The following CACHD1 variants were observed in gnomAD, a reference collection of about 807,000 sequenced individuals.
The protein encoded by CACHD1 is VWFA and cache domain-containing protein 1.
In CACHD1, 71 loss-of-function variants were observed where a neutral mutation model predicts 138.7. The ratio of observed to expected loss-of-function variants is 0.51; its 90% CI spans 0.42 to 0.62. CACHD1 has a LOEUF of 0.62. Among genes scored for constraint, CACHD1 ranks in the 20% least tolerant of loss-of-function variants. The pLI is 0.00. For synonymous variants in CACHD1, 578 were observed against 591.5 expected (o/e 0.98, Z 0.33); for missense variants, 1,389 against 1,625.3 (o/e 0.85, Z 2.50).
At chr1:64,572,159 A>G (rs563197119) in intron 2 of CACHD1, among the ~76,000 whole-genome samples, 14 of 152,166 alleles carry the variant, frequency 9.2e-5, no homozygotes, top group Non-Finnish European at 1.9e-4. Context: ...AATATTCTAC[A>G]CAAAAAGTTG....
At chr1:64,479,580 G>T (rs142503129) in intron 1 of CACHD1, among the ~76,000 whole-genome samples, 1 of 152,248 alleles carries the variant, frequency 6.6e-6, no homozygotes, top group East Asian at 1.9e-4. Flanking sequence ...GGTCAAGCTG[G>T]GGGCTGTTTC....
At chr1:64,632,799 T>G in intron 6 of CACHD1, 56 bp downstream of exon 6, 2 of 1,585,542 alleles carry the variant, frequency 1.3e-6, no homozygotes, top group Non-Finnish European at 1.7e-6. Context: ...ATGCCTTTTT[T>G]AAAGTACTTT....
At chr1:64,593,579 A>G (rs1424661620) in intron 3 of CACHD1, among the ~76,000 whole-genome samples, 1 of 152,082 alleles carries the variant, frequency 6.6e-6, no homozygotes, top group Non-Finnish European at 1.5e-5. Context: ...CTCCATGAAG[A>G]TATGTTTTGT....
intron 1 of CACHD1, among the ~76,000 whole-genome samples, chr1:64,547,396 G>A (rs1172502200): frequency 6.6e-6 from 1 of 151,976 alleles, no homozygotes; most frequent in South Asian, 2.1e-4. Flanking sequence ...ACAGAGTTTC[G>A]CTCTTGTTGC....
At chr1:64,660,081 G>T (rs1402406643) in intron 13 of CACHD1, among the ~76,000 whole-genome samples, 1 of 152,076 alleles carries the variant, frequency 6.6e-6, no homozygotes, top group Non-Finnish European at 1.5e-5. Flanking sequence ...TTTGGTCTTT[G>T]GGGTTTTGTT....
At chr1:64,634,582 C>T (rs545793634) in intron 7 of CACHD1, among the ~76,000 whole-genome samples, 48 of 152,124 alleles carry the variant, frequency 3.2e-4, no homozygotes, top group Non-Finnish European at 5.0e-4. Context: ...AAGGGTTTCA[C>T]TGGCTGAGAC....
chr1:64,679,065 G>T lies in CACHD1; in HGVS notation c.3245-530G>T, dbSNP rs367693726. On this transcript the variant is annotated intron_variant, in intron 23 of 26. Transcript: ENST00000651257. ...GTATGTTACTGCTGAACTAGGTGAG[G>T]GTACATATGTGAAAGTGACTTGGCT... Among the ~76,000 whole-genome samples the T allele has an allele frequency of 5.9e-5, 9 of 152,216 alleles. No individual in the cohort carries two copies. In the South Asian group the frequency reaches 1.9e-3, roughly 32 times the overall value.
rs141156803 is a variant in CACHD1 at position 64,659,144 on chromosome 1, A to G, written c.1951+271A>G. ...GTGAGAAAAACAGGACAAGGAAGGC[A>G]AAAAAGACAAGTTTGATGTTGAGTG... On this transcript the variant is annotated intron_variant, in intron 13 of 26. Coordinates refer to ENST00000651257, the MANE Select transcript of CACHD1 (RefSeq NM_020925.4). 1.5e-3 allele frequency among the ~76,000 whole-genome samples: 227 copies of G among 152,308 alleles called. 4 individuals carry two copies. In the East Asian group the frequency reaches 0.042, roughly 28 times the overall value.
intron 8 of CACHD1, among the ~76,000 whole-genome samples, chr1:64,643,575 G>A (rs1314552382): frequency 3.3e-5 from 5 of 152,194 alleles, no homozygotes; most frequent in Admixed American, 2.6e-4. Context: ...GGTGGCTCAT[G>A]CCTGTAATCC....
chr1:64,542,442 T>C (rs980006201), intron 1 of CACHD1, among the ~76,000 whole-genome samples: 4 of 152,140 alleles, frequency 2.6e-5, no homozygotes, highest in African/African-American at 9.7e-5. Flanking sequence ...CAAGACATAG[T>C]TTTTATAGTG....
At chr1:64,685,631 A>G (rs1650343336) in intron 26 of CACHD1, among the ~76,000 whole-genome samples, 1 of 152,014 alleles carries the variant, frequency 6.6e-6, no homozygotes, top group Non-Finnish European at 1.5e-5. Context: ...GTAGGATTAA[A>G]AATTTTTACT....
intron 13 of CACHD1, among the ~76,000 whole-genome samples, chr1:64,659,451 A>G (rs988883826): frequency 6.6e-6 from 1 of 152,224 alleles, no homozygotes; most frequent in African/African-American, 2.4e-5. Flanking sequence ...TATCAGCAGT[A>G]ATCTACCACA....
intron 1 of CACHD1, among the ~76,000 whole-genome samples, chr1:64,541,868 A>T (rs532512706): frequency 6.6e-6 from 1 of 151,752 alleles, no homozygotes; most frequent in African/African-American, 2.4e-5. Context: ...ATATCTAAAC[A>T]GGTATTTTTG....
At chr1:64,526,991 C>T (rs561447814) in intron 1 of CACHD1, among the ~76,000 whole-genome samples, 30 of 152,286 alleles carry the variant, frequency 2.0e-4, no homozygotes, top group African/African-American at 4.8e-4. Flanking sequence ...GCTTAGTATA[C>T]GTTTGATCTG....
At chr1:64,617,489 A>G (rs180766082) in intron 4 of CACHD1, among the ~76,000 whole-genome samples, 210 of 152,252 alleles carry the variant, frequency 1.4e-3, no homozygotes, top group African/African-American at 5.0e-3. Context: ...TTTTTGCATT[A>G]TATAATCAAC....
At chr1:64,567,286 C>A (rs1310382298) in intron 2 of CACHD1, among the ~76,000 whole-genome samples, 1 of 150,850 alleles carries the variant, frequency 6.6e-6, no homozygotes, top group Non-Finnish European at 1.5e-5. Flanking sequence ...TTGCTAATCT[C>A]TTGAGGGTGA....
At chr1:64,640,148 A>G (rs755363130) in intron 7 of CACHD1, among the ~76,000 whole-genome samples, 20 of 152,122 alleles carry the variant, frequency 1.3e-4, no homozygotes, top group Admixed American at 3.9e-4. Context: ...GCCGCATTCT[A>G]GTCATTATAA....
chr1:64,569,860 G>A (rs1314539864), intron 2 of CACHD1, among the ~76,000 whole-genome samples: 1 of 152,118 alleles, frequency 6.6e-6, no homozygotes, highest in Non-Finnish European at 1.5e-5. Flanking sequence ...AGGCCAGCAA[G>A]CCTGTATCAT....
intron 2 of CACHD1, among the ~76,000 whole-genome samples, chr1:64,580,983 C>G (rs933454760): frequency 2.0e-5 from 3 of 152,154 alleles, no homozygotes; most frequent in African/African-American, 7.2e-5. Context: ...ATTTCCAAGA[C>G]CCACAACTCC....
Sources: allele counts gnomAD v4.1 joint callset (sites outside exome capture counted in the v4.1 genomes callset), GRCh38; gene constraint gnomAD v4.1.1; transcripts MANE v1.5; gene names NCBI Gene and HGNC (gene_info 2026-07-23, HGNC 2026-07-21).